The following RMDN2 variants were observed in gnomAD, a reference collection of about 807,000 sequenced individuals.
The protein encoded by RMDN2 is regulator of microtubule dynamics 2.
In RMDN2, 61 loss-of-function variants were observed where a neutral mutation model predicts 52.8. The observed-to-expected ratio is 1.16, with a 90% CI of 0.94 to 1.43. The LOEUF (loss-of-function observed/expected upper bound fraction) is 1.43, where lower values mean the gene tolerates loss of function less well. RMDN2 is among the 40% of genes most tolerant of loss of function. The probability of loss-of-function intolerance (pLI) is 0.00; values close to 1 mark genes in which losing one functional copy is unlikely to be tolerated. For missense variants in RMDN2, 592 were observed against 475.3 expected (o/e 1.25, Z -2.28); for synonymous variants, 180 against 153.1 (o/e 1.18, Z -1.30).
At position 37,978,777 on chromosome 2, in the gene RMDN2, CAGATAGATAGAT is replaced by C. The variant is rs1213724373; in HGVS notation, c.731-2478_731-2467del. ...TGGGTAACAGAGCAAGACCCTTTCT[CAGATAGATAGAT>C]AGATAGATAGATAGATAGATAGATA... is the stretch of plus-strand genomic sequence containing the variant. On this transcript the variant is annotated intron_variant, in intron 4 of 10. Coordinates refer to ENST00000354545, the MANE Select transcript of RMDN2 (RefSeq NM_001170791.3). Among the ~76,000 whole-genome samples, 1,335 of 148,866 alleles carry C rather than the reference CAGATAGATAGAT, an allele frequency of 9.0e-3. 13 individuals are homozygous for C. Among genetic ancestry groups the C allele is most frequent in the Non-Finnish European group, 0.013 (879 of 67,354 alleles).
intron 10 of RMDN2, chr2:38,012,642 T>A (rs1374817837): frequency 2.1e-6 from 1 of 466,920 alleles, no homozygotes; most frequent in Admixed American, 2.4e-5. Flanking sequence ...TTTTTCCAAG[T>A]AGTAAAGGTA....
intron 2 of RMDN2, among the ~76,000 whole-genome samples, chr2:37,967,007 C>T (rs1671142390): frequency 3.3e-5 from 5 of 151,996 alleles, no homozygotes; most frequent in Admixed American, 3.3e-4. Context: ...ATCATTGATG[C>T]TTTACAAAAA....
At chr2:37,990,959 G>A (rs147716746) in intron 6 of RMDN2, among the ~76,000 whole-genome samples, 2 of 152,020 alleles carry the variant, frequency 1.3e-5, no homozygotes, top group African/African-American at 2.4e-5. Context: ...ATATGACTTC[G>A]GTGTTTTCAA....
chr2:38,027,276 G>A (rs977461832), intron 10 of RMDN2: 1 of 152,110 alleles, frequency 6.6e-6, no homozygotes, highest in African/African-American at 2.4e-5. Context: ...CAATAAGAAG[G>A]TTCATCTTGT....
At chr2:37,958,974 G>A (rs181542450) in intron 2 of RMDN2, among the ~76,000 whole-genome samples, 5 of 151,052 alleles carry the variant, frequency 3.3e-5, no homozygotes, top group African/African-American at 1.2e-4. Context: ...TGCATGTGTT[G>A]AACCAGCCTC....
intron 2 of RMDN2, among the ~76,000 whole-genome samples, chr2:37,932,820 C>T (rs1167336871): frequency 2.6e-5 from 3 of 115,226 alleles, no homozygotes; most frequent in African/African-American, 6.5e-5. Context: ...GGGGGGCTGA[C>T]CCCCCGACCT....
At chr2:37,978,656 T>A (rs1012919028) in intron 4 of RMDN2, among the ~76,000 whole-genome samples, 3 of 152,142 alleles carry the variant, frequency 2.0e-5, no homozygotes, top group Non-Finnish European at 4.4e-5. Flanking sequence ...GGAGACCTTG[T>A]CTCTACTAAA....
At chr2:37,962,856 C>A (rs570213216) in intron 2 of RMDN2, among the ~76,000 whole-genome samples, 1 of 152,304 alleles carries the variant, frequency 6.6e-6, no homozygotes, top group East Asian at 1.9e-4. Flanking sequence ...ATCTCGCGGT[C>A]TGCGGGTTGC....
chr2:37,948,984 A>G (rs901528731), intron 2 of RMDN2, among the ~76,000 whole-genome samples: 36 of 152,256 alleles, frequency 2.4e-4, no homozygotes, highest in East Asian at 1.9e-3. Flanking sequence ...AGCTGGCCCA[A>G]TTTTTCAAAG....
intron 10 of RMDN2, chr2:38,066,771 A>T (rs1682300520): frequency 3.6e-6 from 2 of 554,738 alleles, no homozygotes; most frequent in African/African-American, 3.8e-5. Flanking sequence ...TATTTAAAGG[A>T]ATATTTTTCC....
chr2:37,965,729 C>G (rs1418604915), intron 2 of RMDN2, among the ~76,000 whole-genome samples: 1 of 152,076 alleles, frequency 6.6e-6, no homozygotes, highest in East Asian at 1.9e-4. Flanking sequence ...TTGTATGGTT[C>G]AAGTGACTGT....
chr2:37,929,354 G>T lies in RMDN2; in HGVS notation c.77G>T (p.Trp26Leu). The change falls in exon 2 of 11, where the codon TGG (tryptophan) becomes TTG (leucine). Residue 26 changes from tryptophan to leucine, a missense_variant. Coordinates refer to ENST00000354545, the MANE Select transcript of RMDN2 (RefSeq NM_001170791.3). ...GCTGGAATCAGCTTGCTGCTCTTGT[G>T]GTACCACAAGGTCCGTAAACCAGGG... ...GTAGISLLLL[W>L]YHKVRKPGIA... The T allele has an allele frequency of 6.4e-7, 1 of 1,551,890 alleles. No homozygotes were observed. The highest frequency in any genetic ancestry group is 1.2e-5 in the South Asian group (1 of 84,048).
intron 4 of RMDN2, among the ~76,000 whole-genome samples, chr2:37,977,239 A>G (rs1299070949): frequency 1.3e-5 from 2 of 152,354 alleles, no homozygotes; most frequent in Middle Eastern, 6.8e-3. Flanking sequence ...TCCTATGTCT[A>G]CTTCTTTCTA....
intron 4 of RMDN2, among the ~76,000 whole-genome samples, chr2:37,979,033 A>G (rs59527249): frequency 0.42 from 63,174 of 151,974 alleles, 14,468 homozygotes; most frequent in East Asian, 0.78. Context: ...AGGGGCTAAA[A>G]TGAAGCATAG....
chr2:37,976,568 T>A (rs1470031105), intron 4 of RMDN2, among the ~76,000 whole-genome samples: 2 of 152,240 alleles, frequency 1.3e-5, no homozygotes, highest in Non-Finnish European at 2.9e-5. Context: ...GAATGACCTC[T>A]GTGCTTTCGT....
In RMDN2 at chr2:37,975,291, A is replaced by G. The variant is rs763927952; in HGVS notation, c.707A>G (p.Glu236Gly). The change falls in exon 4 of 11, where the codon GAA becomes GGA. Residue 236 changes from glutamate to glycine, a missense_variant. By Grantham distance (98) the Glu-to-Gly change is moderately conservative. Transcript: ENST00000354545. The stretch of plus-strand genomic sequence containing the variant: ...TATGAACTATCTACAAACACACAAG[A>G]AAAGAAACATTATGCTAATATTGGT... ...DMYELSTNTQ[E>G]KKHYANIGKT... is the part of the protein sequence containing the mutation. 1.7e-5 allele frequency: 27 copies of G among 1,599,086 alleles called. No homozygotes were observed. The East Asian group carries it at 5.6e-4, about 33-fold the overall frequency.
At chr2:37,951,856 C>T (rs1668852367) in intron 2 of RMDN2, 3 of 1,613,508 alleles carry the variant, frequency 1.9e-6, no homozygotes, top group Non-Finnish European at 2.5e-6. Context: ...AGCACATCAT[C>T]CTTCTTTTCT....
At chr2:37,937,612 C>G (rs1667415802) in intron 2 of RMDN2, among the ~76,000 whole-genome samples, 1 of 152,190 alleles carries the variant, frequency 6.6e-6, no homozygotes, top group Non-Finnish European at 1.5e-5. Context: ...AGGTCCTTCA[C>G]ATCCCTTCTA....
At chr2:38,055,672 T>C (rs984895516) in intron 10 of RMDN2, among the ~76,000 whole-genome samples, 3 of 152,102 alleles carry the variant, frequency 2.0e-5, no homozygotes, top group Non-Finnish European at 2.9e-5. Flanking sequence ...CCAGACACAA[T>C]AGCATTCGAC....
Sources: allele counts gnomAD v4.1 joint callset (sites outside exome capture counted in the v4.1 genomes callset), GRCh38; gene constraint gnomAD v4.1.1; transcripts MANE v1.5; gene names NCBI Gene and HGNC (gene_info 2026-07-23, HGNC 2026-07-21).